The following ZBTB16 variants were observed in gnomAD, a reference collection of about 807,000 sequenced individuals.
ZBTB16 encodes the protein zinc finger and BTB domain containing 16.
ZBTB16 carries 8 observed loss-of-function variants against 56.8 expected under a neutral mutation model. The ratio of observed to expected loss-of-function variants is 0.14; its 90% CI spans 0.08 to 0.25. The LOEUF (loss-of-function observed/expected upper bound fraction) is 0.25, where lower values mean the gene tolerates loss of function less well. ZBTB16 is among the 10% of genes least tolerant of loss of function. ZBTB16 has a pLI of 1.00. For synonymous variants in ZBTB16, 363 were observed against 368.5 expected (o/e 0.98, Z 0.17); for missense variants, 625 against 903.0 (o/e 0.69, Z 3.95).
chr11:114,185,611 T>TGG (rs1474402492), intron 3 of ZBTB16, among the ~76,000 whole-genome samples: 4 of 152,212 alleles, frequency 2.6e-5, no homozygotes, highest in Non-Finnish European at 4.4e-5. Context: ...TGCGGGTGGC[T>TGG]GGTGGTGTGG....
chr11:114,123,250 T>C (rs2137808730), intron 2 of ZBTB16, among the ~76,000 whole-genome samples: 1 of 152,236 alleles, frequency 6.6e-6, no homozygotes, highest in African/African-American at 2.4e-5. Context: ...TCCATAGTAG[T>C]CATGTAGGAT....
At chr11:114,172,441 A>G (rs1942995078) in intron 3 of ZBTB16, among the ~76,000 whole-genome samples, 1 of 152,190 alleles carries the variant, frequency 6.6e-6, no homozygotes, top group Admixed American at 6.5e-5. Flanking sequence ...TGGTACTGTT[A>G]GGACATCCAT....
intron 3 of ZBTB16, among the ~76,000 whole-genome samples, chr11:114,182,129 G>A (rs1362531710): frequency 6.6e-6 from 1 of 152,184 alleles, no homozygotes; most frequent in Non-Finnish European, 1.5e-5. Flanking sequence ...TCAGCTCACT[G>A]CAACCTCTGC....
intron 2 of ZBTB16, among the ~76,000 whole-genome samples, chr11:114,120,995 G>T (rs1169825238): frequency 6.6e-6 from 1 of 152,162 alleles, no homozygotes; most frequent in East Asian, 1.9e-4. Flanking sequence ...ATAGTTAAAT[G>T]GTTGGAAAAA....
intron 3 of ZBTB16, among the ~76,000 whole-genome samples, chr11:114,169,487 C>A (rs1050813893): frequency 6.6e-6 from 1 of 152,186 alleles, no homozygotes; most frequent in Non-Finnish European, 1.5e-5. Flanking sequence ...AGCAGAGAAA[C>A]CTCGATGACT....
chr11:114,154,818 G>C (rs999979459), intron 2 of ZBTB16, among the ~76,000 whole-genome samples: 4 of 152,182 alleles, frequency 2.6e-5, no homozygotes, highest in African/African-American at 9.7e-5. Flanking sequence ...AAAACAATGT[G>C]ATTGAGAAAG....
intron 2 of ZBTB16, among the ~76,000 whole-genome samples, chr11:114,144,057 C>T (rs190626106): frequency 8.5e-5 from 13 of 152,218 alleles, no homozygotes; most frequent in Non-Finnish European, 1.6e-4. Context: ...GTATTTGTTG[C>T]TTTTATTTTA....
rs1371046343 is a variant in ZBTB16 at position 114,255,064 on chromosome 11, C to T, written c.*4509C>T. Among the ~76,000 whole-genome samples the T allele has an allele frequency of 1.3e-5, 2 of 152,062 alleles. No homozygotes were observed. The highest frequency in any genetic ancestry group is 1.3e-4 in the Admixed American group (2 of 15,252). On this transcript the variant is annotated 3_prime_UTR_variant, in exon 7 of 7. Coordinates refer to ENST00000335953, the MANE Select transcript of ZBTB16 (RefSeq NM_006006.6). The stretch of plus-strand genomic sequence containing the variant: ...GCATGATCTTCGTAAGGTTAAGAAG[C>T]CGTGGTGGTGCACCATGACATCCAA...
chr11:114,144,990 C>T (rs935593573), intron 2 of ZBTB16, among the ~76,000 whole-genome samples: 10 of 152,192 alleles, frequency 6.6e-5, no homozygotes, highest in South Asian at 6.2e-4. Flanking sequence ...TCATTTTTCA[C>T]TTGATTCTCT....
chr11:114,111,201 C>T (rs1940994980), intron 2 of ZBTB16, among the ~76,000 whole-genome samples: 1 of 146,212 alleles, frequency 6.8e-6, no homozygotes, highest in Non-Finnish European at 1.5e-5. Context: ...GATAACTTGG[C>T]TGGATCAAGA....
chr11:114,089,873 T>C (rs1328447644), intron 2 of ZBTB16, among the ~76,000 whole-genome samples: 1 of 151,932 alleles, frequency 6.6e-6, no homozygotes, highest in African/African-American at 2.4e-5. Context: ...GGTTCAGAGG[T>C]TTTATAGGCA....
intron 2 of ZBTB16, among the ~76,000 whole-genome samples, chr11:114,099,762 A>G (rs1448216476): frequency 3.3e-5 from 5 of 152,188 alleles, no homozygotes; most frequent in Non-Finnish European, 1.5e-5. Context: ...AGAAGCGATG[A>G]TACAACTTCT....
chr11:114,130,580 G>A (rs1397669063), intron 2 of ZBTB16, among the ~76,000 whole-genome samples: 1 of 152,232 alleles, frequency 6.6e-6, no homozygotes, highest in Non-Finnish European at 1.5e-5. Context: ...CTATGAATGT[G>A]GGTAGGCAGC....
Position 114,252,114 on chromosome 11 carries a change from G to A in ZBTB16, c.*1559G>A, listed in dbSNP as rs564657083. Among the ~76,000 whole-genome samples, 7 of 152,286 alleles carry A rather than the reference G, an allele frequency of 4.6e-5. No homozygotes were observed. In the South Asian group the frequency reaches 6.2e-4, roughly 14 times the overall value. On this transcript the variant is annotated 3_prime_UTR_variant, in exon 7 of 7. Transcript: ENST00000335953. ...GTGAGGGCCGAGGAGGGCGAAGAGC[G>A]TGGGTGGGGAGGGGATGTTGCTTTG...
chr11:114,094,187 C>T (rs1293003664), intron 2 of ZBTB16, among the ~76,000 whole-genome samples: 3 of 151,928 alleles, frequency 2.0e-5, no homozygotes, highest in African/African-American at 7.3e-5. Flanking sequence ...TGGTGGCGGG[C>T]GCCTGTAGTC....
chr11:114,248,853 G>A (rs945679235), intron 6 of ZBTB16, among the ~76,000 whole-genome samples: 4 of 152,202 alleles, frequency 2.6e-5, no homozygotes, highest in Non-Finnish European at 5.9e-5. Context: ...ATCATTAACT[G>A]TATTGGCAGT....
At position 114,089,639 on chromosome 11, in the gene ZBTB16, G is replaced by A. The variant is rs145106272; in HGVS notation, c.1268+25071G>A. ...CTGGGCCTGGCCAGTGGGAGACAGA[G>A]GCTGCTGAAGTAGCTGGCAAGGAGG... On this transcript the variant is annotated intron_variant, in intron 2 of 6. Transcript: ENST00000335953. Among the ~76,000 whole-genome samples, 1,518 of 152,340 alleles carry A rather than the reference G, an allele frequency of 1.0e-2. 12 individuals carry two copies. Among genetic ancestry groups the A allele is most frequent in the Non-Finnish European group, 0.017 (1,139 of 68,032 alleles).
chr11:114,098,017 A>C (rs1940480399), intron 2 of ZBTB16, among the ~76,000 whole-genome samples: 1 of 152,178 alleles, frequency 6.6e-6, no homozygotes, highest in Non-Finnish European at 1.5e-5. Flanking sequence ...TCTATTCACC[A>C]TCTGTGACGG....
At chr11:114,230,382 G>C (rs1456135852) in intron 4 of ZBTB16, among the ~76,000 whole-genome samples, 1 of 152,126 alleles carries the variant, frequency 6.6e-6, no homozygotes, top group Non-Finnish European at 1.5e-5. Flanking sequence ...ATCTATGTAT[G>C]CTCTGGGAGC....
Sources: gnomAD v4.1 joint callset for allele counts (sites outside exome capture counted in the v4.1 genomes callset) on GRCh38, gnomAD v4.1.1 for gene constraint, MANE v1.5 for transcripts, NCBI Gene and HGNC (gene_info 2026-07-23, HGNC 2026-07-21) for gene names.